PCDHGB5: variants seen among roughly 807,000 people sequenced by gnomAD.
PCDHGB5 encodes the protein protocadherin gamma-B5.
PCDHGB5 carries 48 observed loss-of-function variants against 62.9 expected under a neutral mutation model. The ratio of observed to expected loss-of-function variants is 0.76; its 90% CI spans 0.61 to 0.97. PCDHGB5 has a LOEUF of 0.97. Ranked by LOEUF, PCDHGB5 falls within the 50% of genes least tolerant of loss-of-function variation. The pLI is 0.00. For synonymous variants in PCDHGB5, 474 were observed against 511.2 expected, an observed-to-expected ratio of 0.93 and a Z score of 0.98; for missense variants, 1,118 against 1,198.6, an observed-to-expected ratio of 0.93 and a Z score of 0.99.
In PCDHGB5 at chr5:141,408,560, A is replaced by G. The variant is rs368143982; in HGVS notation, c.2397+8036A>G. The G allele has an allele frequency of 6.3e-5, 102 of 1,613,910 alleles. No homozygotes were observed. Among genetic ancestry groups the G allele is most frequent in the Non-Finnish European group, 8.4e-5 (99 of 1,179,898 alleles). On this transcript the variant is annotated intron_variant, in intron 1 of 3. Coordinates refer to ENST00000617380, the MANE Select transcript of PCDHGB5 (RefSeq NM_018925.3). ...AAATCCTTTAAATATTTTTCATGTC[A>G]TTGTGGTGATTGAGGATGTTAATGA... is the stretch of plus-strand genomic sequence containing the variant.
At chr5:141,407,240 C>T (rs1011878099) in intron 1 of PCDHGB5, among the ~76,000 whole-genome samples, 3 of 152,158 alleles carry the variant, frequency 2.0e-5, no homozygotes, top group African/African-American at 7.2e-5. Context: ...ATAAAGCATA[C>T]TTCAGGCTCA....
At position 141,409,164 on chromosome 5, in the gene PCDHGB5, C is replaced by T. The variant is rs115772303; in HGVS notation, c.2397+8640C>T. ...GAAAGGTACACCATGGAAGTGGAAG[C>T]GAAGGACGGAGGTGGTCTCTCTACC... On this transcript the variant is annotated intron_variant, in intron 1 of 3. Transcript: ENST00000617380. 2.0e-3 allele frequency: 3,227 copies of T among 1,613,908 alleles called. 51 individuals are homozygous for T. In the African/African-American group the frequency reaches 0.029, roughly 14 times the overall value.
At chr5:141,482,719 G>C (rs1221351410) in intron 1 of PCDHGB5, among the ~76,000 whole-genome samples, 1 of 129,252 alleles carries the variant, frequency 7.7e-6, no homozygotes, top group African/African-American at 3.5e-5. Flanking sequence ...GGCAGGGAGG[G>C]GCCATTGCAA....
intron 1 of PCDHGB5, among the ~76,000 whole-genome samples, chr5:141,460,763 T>A (rs904048213): frequency 4.6e-5 from 7 of 152,170 alleles, no homozygotes; most frequent in Admixed American, 1.3e-4. Context: ...ATATACATAT[T>A]GCATATGTAT....
At chr5:141,480,726 G>A (rs2099524533) in intron 1 of PCDHGB5, among the ~76,000 whole-genome samples, 1 of 152,138 alleles carries the variant, frequency 6.6e-6, no homozygotes, top group Non-Finnish European at 1.5e-5. Context: ...CACAGTCTCT[G>A]GGGGTGGGAC....
intron 1 of PCDHGB5, chr5:141,428,113 T>A: frequency 6.2e-7 from 1 of 1,607,492 alleles, no homozygotes; most frequent in Non-Finnish European, 8.5e-7. Flanking sequence ...CTGCAGGCCA[T>A]CGAGCCCGGG....
chr5:141,432,300 T>G lies in PCDHGB5; in HGVS notation c.2397+31776T>G, dbSNP rs1280788604. ...TCCATCAACTCCGACACTGGGGTACTGTATGCGCTGAGCTCCTTCGACTAC... is the reference window on the plus strand; with the variant it reads ...TCCATCAACTCCGACACTGGGGTACGGTATGCGCTGAGCTCCTTCGACTAC... On this transcript the variant is annotated intron_variant, in intron 1 of 3. Transcript: ENST00000617380. The surrounding 1 kb of genome is among the most constrained non-coding windows in gnomAD (Gnocchi z 6.0). 1.9e-6 allele frequency: 3 copies of G among 1,614,158 alleles called. No homozygotes were observed. The highest frequency in any genetic ancestry group is 2.5e-6 in the Non-Finnish European group (3 of 1,180,056).
intron 1 of PCDHGB5, among the ~76,000 whole-genome samples, chr5:141,463,418 C>T (rs1442067485): frequency 3.6e-5 from 5 of 138,240 alleles, no homozygotes; most frequent in Admixed American, 2.9e-4. Flanking sequence ...TCCTAGTTTG[C>T]GGATCCTCAT....
intron 2 of PCDHGB5, among the ~76,000 whole-genome samples, chr5:141,504,926 TGGTG>T (rs1312481961): frequency 1.3e-5 from 2 of 151,946 alleles, no homozygotes; most frequent in Non-Finnish European, 2.9e-5. Context: ...GGCTCTCTCA[TGGTG>T]GGTGGGGGAA....
At chr5:141,497,768 G>A (rs920949258) in intron 2 of PCDHGB5, among the ~76,000 whole-genome samples, 8 of 152,070 alleles carry the variant, frequency 5.3e-5, no homozygotes, top group East Asian at 1.9e-4. Flanking sequence ...CAAACTCCCC[G>A]ACCTCAACTG....
Position 141,400,092 on chromosome 5 carries a change from G to A in PCDHGB5, c.1965G>A (p.Thr655=), listed in dbSNP as rs2093959231. ...AGCCGCCACTCTCCGCCACCGCCAC[G>A]CTGCACTTGGTCTTTGCTGACAGCT... ...GGQPPLSATA[T]LHLVFADSLQ... Residue 655 remains threonine (T), a synonymous_variant, in exon 1 of 4, where the codon ACG becomes ACA. Transcript: ENST00000617380. 1 of 1,613,942 alleles carries A rather than the reference G, an allele frequency of 6.2e-7. No individual in the cohort carries two copies. Among genetic ancestry groups the A allele is most frequent in the South Asian group, 1.1e-5 (1 of 91,092 alleles).
intron 1 of PCDHGB5, among the ~76,000 whole-genome samples, chr5:141,444,152 ATTTTTTTTTTTTTTTTTTTTTT>A (rs747671382): frequency 8.9e-5 from 3 of 33,882 alleles, no homozygotes; most frequent in East Asian, 1.0e-3. Flanking sequence ...TGTGTACTGG[ATTTTTTTTTTTTTTTTTTTTTT>A]TTTTTTTTTT....
intron 1 of PCDHGB5, chr5:141,403,656 C>G: frequency 6.2e-7 from 1 of 1,613,894 alleles, no homozygotes. Flanking sequence ...GTGTTGGATA[C>G]AAATGATAAT....
chr5:141,400,713 T>G (rs1225008709), intron 1 of PCDHGB5, 189 bp downstream of exon 1: 1 of 686,914 alleles, frequency 1.5e-6, no homozygotes, highest in Admixed American at 3.0e-5. Flanking sequence ...GAAGTAGCCT[T>G]ATAGATTTAC....
chr5:141,472,095 C>T (rs1186697747), intron 1 of PCDHGB5, among the ~76,000 whole-genome samples: 1 of 151,998 alleles, frequency 6.6e-6, no homozygotes, highest in African/African-American at 2.4e-5. Flanking sequence ...TATTATTATT[C>T]CCATTTTATA....
At chr5:141,463,955 A>G (rs2154568299) in intron 1 of PCDHGB5, among the ~76,000 whole-genome samples, 1 of 152,288 alleles carries the variant, frequency 6.6e-6, no homozygotes, top group Middle Eastern at 3.4e-3. Flanking sequence ...CTTCATTTTT[A>G]AAATAGCTTC....
chr5:141,410,269 G>A, intron 1 of PCDHGB5: 1 of 1,614,060 alleles, frequency 6.2e-7, no homozygotes, highest in Non-Finnish European at 8.5e-7. Flanking sequence ...CTGAACTGCA[G>A]TTTTACCTGG....
intron 1 of PCDHGB5, chr5:141,414,350 C>T (rs1450829111): frequency 1.9e-6 from 3 of 1,613,726 alleles, no homozygotes; most frequent in Admixed American, 1.7e-5. Flanking sequence ...TCCATTTTGG[C>T]GTATCTACCA....
In PCDHGB5 at chr5:141,408,496, G is replaced by C. The variant is rs758752081; in HGVS notation, c.2397+7972G>C. On this transcript the variant is annotated intron_variant, in intron 1 of 3. Coordinates refer to ENST00000617380, the MANE Select transcript of PCDHGB5 (RefSeq NM_018925.3). The stretch of plus-strand genomic sequence containing the variant: ...TAGACCGTGAGCAAATATGCAAAGA[G>C]AGAAGAAGATGTGAGTTGCAATTGG... 21 of 1,613,960 alleles carry C rather than the reference G, an allele frequency of 1.3e-5. No individual in the cohort carries two copies. In the East Asian group the frequency reaches 1.3e-4, roughly 10 times the overall value.
Sources: gnomAD v4.1 joint callset for allele counts (sites outside exome capture counted in the v4.1 genomes callset) on GRCh38, gnomAD v4.1.1 for gene constraint, Gnocchi (gnomAD v3.1) non-coding constraint, MANE v1.5 for transcripts, NCBI Gene and HGNC (gene_info 2026-07-23, HGNC 2026-07-21) for gene names.